Variants in CLIP4 observed in about 807,000 individuals in gnomAD.
CLIP4 encodes CAP-Gly domain-containing linker protein 4.
CLIP4 carries 47 observed loss-of-function variants against 73.1 expected under a neutral mutation model. That is an observed-to-expected ratio of 0.64 (90% CI 0.51 to 0.82). The LOEUF is 0.82. Among genes scored for constraint, CLIP4 ranks in the 40% least tolerant of loss-of-function variants. The probability of loss-of-function intolerance (pLI) is 0.00; values close to 1 mark genes in which losing one functional copy is unlikely to be tolerated. For missense variants in CLIP4, 874 were observed against 852.9 expected, an observed-to-expected ratio of 1.02 and a Z score of -0.31; for synonymous variants, 306 against 295.4, an observed-to-expected ratio of 1.04 and a Z score of -0.37.
Position 29,181,850 on chromosome 2 carries a change from A to G in CLIP4, c.2075A>G (p.Tyr692Cys), listed in dbSNP as rs748589415. ...TTAGTTCGACCGAGCAGAGTGACCT[A>G]TCGGGGAATTAATGGGTCAAAACTT... is the stretch of plus-strand genomic sequence containing the variant. The part of the protein sequence containing the change: ...GVLVRPSRVT[Y>C]RGINGSKLVD... The change falls in exon 16 of 16, where the codon TAT (tyrosine) becomes TGT (cysteine). Residue 692 changes from tyrosine (Y) to cysteine (C), a missense_variant. By Grantham distance (194) the Tyr-to-Cys change is radical (BLOSUM62 -2). Transcript: ENST00000320081. 5.6e-6 allele frequency: 9 copies of G among 1,613,678 alleles called. No individual in the cohort carries two copies. In the East Asian group the frequency reaches 6.7e-5, roughly 12 times the overall value.
chr2:29,166,551 A>ACG (rs990689302), intron 13 of CLIP4, among the ~76,000 whole-genome samples: 4 of 151,828 alleles, frequency 2.6e-5, no homozygotes, highest in African/African-American at 9.7e-5. Context: ...ACACACACAC[A>ACG]CACACACACA....
chr2:29,168,394 T>C (rs187257709), intron 14 of CLIP4, among the ~76,000 whole-genome samples: 2 of 152,188 alleles, frequency 1.3e-5, no homozygotes, highest in East Asian at 1.9e-4. Flanking sequence ...GTGGCAAATA[T>C]CTTGCCGAGG....
At chr2:29,102,613 A>C (rs1668082338) in intron 1 of CLIP4, among the ~76,000 whole-genome samples, 1 of 150,026 alleles carries the variant, frequency 6.7e-6, no homozygotes, top group Non-Finnish European at 1.5e-5. Context: ...GAAGCACCGC[A>C]TCACTTCCTT....
chr2:29,143,649 A>G (rs1665939315), intron 6 of CLIP4, 60 bp from the exon 7 acceptor site: 4 of 1,128,350 alleles, frequency 3.5e-6, no homozygotes, highest in Non-Finnish European at 5.3e-6. Context: ...CAGAAATTTT[A>G]TATGACTTTC....
At chr2:29,172,715 C>G (rs1051116553) in intron 14 of CLIP4, among the ~76,000 whole-genome samples, 2 of 151,954 alleles carry the variant, frequency 1.3e-5, no homozygotes, top group Admixed American at 1.3e-4. Flanking sequence ...GTTGGACCTT[C>G]TCATTTTCTT....
chr2:29,159,541 T>A (rs1667149477), intron 11 of CLIP4, among the ~76,000 whole-genome samples: 1 of 152,124 alleles, frequency 6.6e-6, no homozygotes, highest in Non-Finnish European at 1.5e-5. Flanking sequence ...TATAGCAATT[T>A]AACCTTCAAA....
intron 3 of CLIP4, 57 bp downstream of exon 3, chr2:29,131,454 T>A (rs1288256654): frequency 1.3e-5 from 19 of 1,518,238 alleles, no homozygotes; most frequent in Non-Finnish European, 1.6e-5. Flanking sequence ...TGGTATAGAT[T>A]TTTTTCCCCA....
In CLIP4 at chr2:29,145,337, G is replaced by A. The variant is rs779419010; in HGVS notation, c.991G>A (p.Val331Ile). Residue 331 changes from valine (V) to isoleucine (I), a missense_variant, in exon 8 of 16, where the codon GTC becomes ATC. Val to Ile is a conservative substitution (Grantham distance 29). Coordinates refer to ENST00000320081, the MANE Select transcript of CLIP4 (RefSeq NM_024692.6). ...EGKNNGSVGK[V>I]QYFKCAPKYG... ...AAAAAATAATGGAAGTGTTGGAAAA[G>A]TCCAGTACTTTAAATGTGCCCCCAA... is the stretch of plus-strand genomic sequence containing the variant. The A allele has an allele frequency of 3.7e-6, 6 of 1,612,414 alleles. No individual in the cohort carries two copies. The highest frequency in any genetic ancestry group is 2.2e-5 in the South Asian group (2 of 91,006).
chr2:29,130,298 G>A (rs115408785), intron 2 of CLIP4, among the ~76,000 whole-genome samples: 2,301 of 152,252 alleles, frequency 0.015, 44 homozygotes, highest in East Asian at 0.047. Flanking sequence ...TATTAAGTTA[G>A]TAAAAAACTG....
intron 4 of CLIP4, 137 bp downstream of exon 4, chr2:29,132,382 A>G: frequency 1.5e-6 from 1 of 688,458 alleles, no homozygotes; most frequent in Non-Finnish European, 2.5e-6. Context: ...CTGAGGATTC[A>G]GTTAGGTCCT....
At chr2:29,178,415 A>G (rs550809664) in intron 15 of CLIP4, among the ~76,000 whole-genome samples, 2 of 152,270 alleles carry the variant, frequency 1.3e-5, no homozygotes, top group Admixed American at 6.5e-5. Context: ...TCCTGACCTC[A>G]GGTGATCCAC....
Position 29,167,489 on chromosome 2 carries a change from C to T in CLIP4, c.1672C>T (p.Leu558=). The change falls in exon 14 of 16, where the codon CTG becomes TTG. Residue 558 remains leucine (L), a synonymous_variant. Coordinates refer to ENST00000320081, the MANE Select transcript of CLIP4 (RefSeq NM_024692.6). ...TTTTATTCATAGAGTAACAGATTCC[C>T]TGGATACCCTTTCAGAAATTTCTTC... ...PSRVQRVTDS[L]DTLSEISSNK... 2 of 1,607,704 alleles carry T rather than the reference C, an allele frequency of 1.2e-6. No individual in the cohort carries two copies. Among genetic ancestry groups the T allele is most frequent in the African/African-American group, 1.3e-5 (1 of 74,696 alleles).
chr2:29,143,144 G>A (rs1291424248), intron 6 of CLIP4, among the ~76,000 whole-genome samples: 1 of 152,242 alleles, frequency 6.6e-6, no homozygotes, highest in Non-Finnish European at 1.5e-5. Context: ...GCTGGGAAGC[G>A]TCAGTCCTGT....
rs574960312 is a variant in CLIP4, at chr2:29,116,226, G to A, written c.-16+561G>A. 3.9e-5 allele frequency among the ~76,000 whole-genome samples: 6 copies of A among 152,308 alleles called. No individual in the cohort carries two copies. The South Asian group carries it at 1.2e-3, about 32-fold the overall frequency. On this transcript the variant is annotated intron_variant, in intron 1 of 15. Transcript: ENST00000320081. ...TGAAAGGAGCGCTGGAGCTGAGCCC[G>A]CATCCTTAAGGATCCCATTCACTGC... is the stretch of plus-strand genomic sequence containing the variant.
intron 1 of CLIP4, among the ~76,000 whole-genome samples, chr2:29,108,240 A>G (rs1668286943): frequency 6.6e-6 from 1 of 152,238 alleles, no homozygotes; most frequent in Admixed American, 6.5e-5. Context: ...ATGAAATATA[A>G]CAATTATACC....
chr2:29,153,578 A>G (rs1015254135), intron 9 of CLIP4, among the ~76,000 whole-genome samples: 41 of 152,106 alleles, frequency 2.7e-4, no homozygotes, highest in African/African-American at 9.2e-4. Context: ...CAAGTGTCCT[A>G]TTCTCTCGGC....
chr2:29,120,002 A>G (rs1664146068), intron 1 of CLIP4, among the ~76,000 whole-genome samples: 1 of 152,176 alleles, frequency 6.6e-6, no homozygotes, highest in Non-Finnish European at 1.5e-5. Flanking sequence ...AGTGTCTTGT[A>G]TATAGTGGTT....
At chr2:29,126,044 G>C (rs190547834) in intron 2 of CLIP4, among the ~76,000 whole-genome samples, 1 of 152,022 alleles carries the variant, frequency 6.6e-6, no homozygotes, top group Non-Finnish European at 1.5e-5. Context: ...GTGTGGTGGC[G>C]TGCGCCTGTG....
chr2:29,165,703 A>G (rs1667565824), intron 13 of CLIP4, among the ~76,000 whole-genome samples: 1 of 152,134 alleles, frequency 6.6e-6, no homozygotes, highest in Non-Finnish European at 1.5e-5. Context: ...AGTCATGAGG[A>G]CTGGGATTCT....
Sources: allele counts gnomAD v4.1 joint callset (sites outside exome capture counted in the v4.1 genomes callset), GRCh38; gene constraint gnomAD v4.1.1; transcripts MANE v1.5; gene names NCBI Gene and HGNC (gene_info 2026-07-23, HGNC 2026-07-21).